The following TMEM132D variants were observed in gnomAD, a reference collection of about 807,000 sequenced individuals.
TMEM132D encodes mature OL transmembrane protein.
TMEM132D carries 21 observed loss-of-function variants against 62.3 expected under a neutral mutation model. That is an observed-to-expected ratio of 0.34 (90% CI 0.24 to 0.49). The LOEUF (loss-of-function observed/expected upper bound fraction) is 0.49. Among genes scored for constraint, TMEM132D ranks in the 20% least tolerant of loss-of-function variants. TMEM132D has a pLI of 0.99. For synonymous variants in TMEM132D, 621 were observed against 575.6 expected, an observed-to-expected ratio of 1.08 and a Z score of -1.13; for missense variants, 1,346 against 1,402.8, an observed-to-expected ratio of 0.96 and a Z score of 0.65.
chr12:129,266,042 T>C (rs1465884991), intron 4 of TMEM132D, among the ~76,000 whole-genome samples: 1 of 152,140 alleles, frequency 6.6e-6, no homozygotes, highest in Non-Finnish European at 1.5e-5. Flanking sequence ...GAACTCCCTT[T>C]TCAATCTGCT....
chr12:129,562,399 C>T (rs932707144), intron 2 of TMEM132D, among the ~76,000 whole-genome samples: 7 of 152,212 alleles, frequency 4.6e-5, no homozygotes, highest in African/African-American at 1.4e-4. Context: ...TTTTCCTTCA[C>T]ATCAGGTTAT....
chr12:129,311,769 C>G (rs956711714), intron 4 of TMEM132D, among the ~76,000 whole-genome samples: 5 of 152,148 alleles, frequency 3.3e-5, no homozygotes, highest in Non-Finnish European at 7.3e-5. Flanking sequence ...GAAAACCCTT[C>G]AAGGCACAGG....
chr12:129,794,133 G>C (rs1240765837), intron 1 of TMEM132D, among the ~76,000 whole-genome samples: 1 of 149,806 alleles, frequency 6.7e-6, no homozygotes, highest in Non-Finnish European at 1.5e-5. Flanking sequence ...CTGTCACCCA[G>C]GCTGGAGTGC....
chr12:129,247,917 C>A (rs1880164914), intron 4 of TMEM132D, among the ~76,000 whole-genome samples: 1 of 149,714 alleles, frequency 6.7e-6, no homozygotes, highest in African/African-American at 2.5e-5. Flanking sequence ...AAACATGAAA[C>A]TCGGGTACTT....
chr12:129,138,480 G>A (rs1329321487), intron 5 of TMEM132D, among the ~76,000 whole-genome samples: 3 of 152,186 alleles, frequency 2.0e-5, no homozygotes, highest in Admixed American at 6.5e-5. Flanking sequence ...CACTTTGGGA[G>A]GCTGAGGCAG....
chr12:129,137,560 G>A (rs1876620623), intron 5 of TMEM132D, among the ~76,000 whole-genome samples: 1 of 152,190 alleles, frequency 6.6e-6, no homozygotes, highest in South Asian at 2.1e-4. Flanking sequence ...GTGCTGTGCT[G>A]CATGTTTCCA....
intron 2 of TMEM132D, among the ~76,000 whole-genome samples, chr12:129,606,922 G>A (rs937404710): frequency 2.0e-5 from 3 of 152,172 alleles, no homozygotes; most frequent in Middle Eastern, 3.2e-3. Context: ...GAGGTGGCAG[G>A]TGCATTGTTC....
intron 3 of TMEM132D, among the ~76,000 whole-genome samples, chr12:129,365,914 C>A (rs1870393499): frequency 6.6e-6 from 1 of 152,028 alleles, no homozygotes; most frequent in Non-Finnish European, 1.5e-5. Flanking sequence ...ATCTCCTTCC[C>A]CCTGCAATGT....
chr12:129,370,958 T>A (rs1366272676), intron 3 of TMEM132D, among the ~76,000 whole-genome samples: 5 of 152,158 alleles, frequency 3.3e-5, no homozygotes. Context: ...TTTTAGTATT[T>A]GATAGTACAA....
At chr12:129,823,071 T>G (rs757934844) in intron 1 of TMEM132D, among the ~76,000 whole-genome samples, 11 of 152,148 alleles carry the variant, frequency 7.2e-5, no homozygotes, top group Non-Finnish European at 1.6e-4. Context: ...GATCTGGTTG[T>G]TTAAAAGTAT....
intron 1 of TMEM132D, among the ~76,000 whole-genome samples, chr12:129,835,376 G>A (rs538360488): frequency 5.9e-5 from 9 of 152,012 alleles, no homozygotes; most frequent in East Asian, 1.9e-4. Flanking sequence ...CTGAAGCTTC[G>A]ACCTCCTAGG....
At chr12:129,356,625 C>T (rs1034560883) in intron 3 of TMEM132D, among the ~76,000 whole-genome samples, 1 of 148,534 alleles carries the variant, frequency 6.7e-6, no homozygotes, top group Non-Finnish European at 1.5e-5. Flanking sequence ...GGAGACTATT[C>T]CGGACAACAT....
chr12:129,720,033 T>C (rs1306739489), intron 1 of TMEM132D, among the ~76,000 whole-genome samples: 1 of 152,048 alleles, frequency 6.6e-6, no homozygotes, highest in African/African-American at 2.4e-5. Flanking sequence ...AACGTTCTGA[T>C]AGAACCAAGT....
At chr12:129,441,273 A>G (rs1252538716) in intron 3 of TMEM132D, among the ~76,000 whole-genome samples, 3 of 152,176 alleles carry the variant, frequency 2.0e-5, no homozygotes, top group Admixed American at 6.5e-5. Flanking sequence ...CCATTAACAC[A>G]TATGCAAGGA....
At chr12:129,524,919 TC>T (rs371696805) in intron 3 of TMEM132D, among the ~76,000 whole-genome samples, 2 of 88,974 alleles carry the variant, frequency 2.2e-5, no homozygotes, top group Non-Finnish European at 4.3e-5. Context: ...CATATTTTTT[TC>T]TTTTTTCTTT....
At chr12:129,113,082 A>T (rs1190703613) in intron 5 of TMEM132D, 2 of 152,238 alleles carry the variant, frequency 1.3e-5, no homozygotes, top group Non-Finnish European at 2.9e-5. Context: ...TTCTGAAACC[A>T]GCCCAACTTT....
intron 2 of TMEM132D, among the ~76,000 whole-genome samples, chr12:129,636,744 G>GAGAGAGAGAGAGAGAGAGAGAC (rs1565931361): frequency 6.6e-6 from 1 of 150,836 alleles, no homozygotes; most frequent in Non-Finnish European, 1.5e-5. Context: ...GTGTGAGAGA[G>GAGAGAGAGAGAGAGAGAGAGAC]AGAGAGAGAG....
intron 3 of TMEM132D, among the ~76,000 whole-genome samples, chr12:129,365,875 C>G (rs768646111): frequency 1.3e-5 from 2 of 152,010 alleles, no homozygotes; most frequent in Non-Finnish European, 2.9e-5. Flanking sequence ...GGCAGCCCAG[C>G]CTTCCTGGAC....
At chr12:129,120,834 T>G (rs937081256) in intron 5 of TMEM132D, among the ~76,000 whole-genome samples, 12 of 152,182 alleles carry the variant, frequency 7.9e-5, no homozygotes, top group Admixed American at 2.0e-4. Context: ...GCAGTTCATT[T>G]TTTTTTGTTT....
Sources: allele counts gnomAD v4.1 joint callset (sites outside exome capture counted in the v4.1 genomes callset), GRCh38; gene constraint gnomAD v4.1.1; transcripts MANE v1.5; gene names NCBI Gene and HGNC (gene_info 2026-07-23, HGNC 2026-07-21).